The following ANKRD45 variants were observed in gnomAD, a reference collection of about 807,000 sequenced individuals.
ANKRD45 encodes the protein ankyrin repeat domain 45, also known as ankyrin repeat domain-containing protein 45.
In ANKRD45, 21 loss-of-function variants were observed where a neutral mutation model predicts 28.1. The ratio of observed to expected loss-of-function variants is 0.75; its 90% CI spans 0.53 to 1.08. The LOEUF (loss-of-function observed/expected upper bound fraction) is 1.08. ANKRD45 is among the 50% of genes least tolerant of loss of function. The pLI, the probability that ANKRD45 is intolerant of heterozygous loss-of-function variation, is 0.00. For synonymous variants in ANKRD45, 86 were observed against 103.9 expected, an observed-to-expected ratio of 0.83 and a Z score of 1.05; for missense variants, 261 against 308.7, an observed-to-expected ratio of 0.85 and a Z score of 1.16.
At position 173,610,132 on chromosome 1, in the gene ANKRD45, A is replaced by T. The variant is rs1667077858; in HGVS notation, c.*13T>A. On this transcript the variant is annotated 3_prime_UTR_variant, in exon 6 of 6. Coordinates refer to ENST00000333279, the MANE Select transcript of ANKRD45 (RefSeq NM_198493.3). ...ATACTAAAAGAAAATGTGGCCTTTTACAGAACGTATGTTCAGTTGGAGGTA... is the reference window on the plus strand; with the variant it reads ...ATACTAAAAGAAAATGTGGCCTTTTTCAGAACGTATGTTCAGTTGGAGGTA... 6.2e-7 allele frequency: 1 copy of T among 1,612,112 alleles called. No homozygotes were observed. The highest frequency in any genetic ancestry group is 1.3e-5 in the African/African-American group (1 of 74,868).
At chr1:173,653,811 G>T (rs185051375) in intron 2 of ANKRD45, among the ~76,000 whole-genome samples, 1 of 151,770 alleles carries the variant, frequency 6.6e-6, no homozygotes, top group Admixed American at 6.6e-5. Flanking sequence ...ATTTATGATA[G>T]TTAGCTCTTC....
chr1:173,689,744 T>TA, the ANKRD45 span, among the ~76,000 whole-genome samples: 1 of 152,150 alleles, frequency 6.6e-6, no homozygotes, highest in Non-Finnish European at 1.5e-5. Flanking sequence ...TTATCTCCCT[T>TA]ACATTCTGCA....
chr1:173,645,699 CCTA>C (rs1668886583), intron 3 of ANKRD45, among the ~76,000 whole-genome samples: 1 of 152,122 alleles, frequency 6.6e-6, no homozygotes, highest in Non-Finnish European at 1.5e-5. Flanking sequence ...GAAACTATGA[CCTA>C]CTACTCAATA....
chr1:173,702,408 T>A, the ANKRD45 span, among the ~76,000 whole-genome samples: 1 of 152,082 alleles, frequency 6.6e-6, no homozygotes, highest in Non-Finnish European at 1.5e-5. Context: ...AGGGGGTAGC[T>A]AAAACCTTCA....
chr1:173,648,553 A>ATAAGCAG (rs1453375860), intron 2 of ANKRD45, among the ~76,000 whole-genome samples: 1 of 152,186 alleles, frequency 6.6e-6, no homozygotes, highest in Admixed American at 6.5e-5. Flanking sequence ...GTATTTTCCT[A>ATAAGCAG]TAAGCAGTGA....
chr1:173,708,105 T>C, the ANKRD45 span, among the ~76,000 whole-genome samples: 1 of 152,376 alleles, frequency 6.6e-6, no homozygotes, highest in East Asian at 1.9e-4. Context: ...TTTCTATTTT[T>C]AGAGTAAGAG....
chr1:173,671,419 A>G (rs1218523861), upstream of ANKRD45, among the ~76,000 whole-genome samples: 2 of 152,154 alleles, frequency 1.3e-5, no homozygotes, highest in Non-Finnish European at 2.9e-5. Context: ...TTCAATTGGT[A>G]AGAGAAGAAT....
chr1:173,612,586 C>T (rs1340598840), intron 5 of ANKRD45: 1 of 152,474 alleles, frequency 6.6e-6, no homozygotes, highest in Admixed American at 6.5e-5. Context: ...TCTCCCTCTC[C>T]CTCTCCCCAC....
chr1:173,642,049 A>G (rs1558132264), intron 3 of ANKRD45, among the ~76,000 whole-genome samples: 2 of 152,194 alleles, frequency 1.3e-5, no homozygotes, highest in Admixed American at 6.5e-5. Flanking sequence ...TTGAAACTCA[A>G]TGTTGTACCT....
chr1:173,627,844 C>T (rs1668006907), intron 3 of ANKRD45, among the ~76,000 whole-genome samples: 2 of 151,792 alleles, frequency 1.3e-5, no homozygotes, highest in Admixed American at 6.6e-5. Context: ...GGCAACACAG[C>T]TTACAGCTCT....
At chr1:173,668,119 C>T (rs1212221663) in intron 1 of ANKRD45, among the ~76,000 whole-genome samples, 3 of 152,178 alleles carry the variant, frequency 2.0e-5, no homozygotes, top group Admixed American at 6.5e-5. Flanking sequence ...AAAGACATAA[C>T]TCACATAAAG....
the ANKRD45 span, among the ~76,000 whole-genome samples, chr1:173,707,033 G>A: frequency 6.6e-6 from 1 of 152,066 alleles, no homozygotes; most frequent in Admixed American, 6.5e-5. Flanking sequence ...CTTATTATGA[G>A]CAAGATTGCT....
Position 173,663,054 on chromosome 1 carries a change from A to AACACACACACAC in ANKRD45, c.-15-3633_-15-3622dup, listed in dbSNP as rs60072209. On this transcript the variant is annotated intron_variant, in intron 1 of 5. Coordinates refer to ENST00000333279, the MANE Select transcript of ANKRD45 (RefSeq NM_198493.3). ...CTGACATCCAACTCCCCACCCTTCC[A>AACACACACACAC]ACACACACACACACACACACACACA... 7.3e-3 allele frequency among the ~76,000 whole-genome samples: 1,024 copies of AACACACACACAC among 140,316 alleles called. 12 individuals are homozygous for AACACACACACAC. Among genetic ancestry groups the AACACACACACAC allele is most frequent in the African/African-American group, 0.025 (959 of 38,066 alleles). The allele number at this position is 140,316 out of a possible 152,430, so 92.1% of individuals were successfully genotyped here.
chr1:173,654,946 T>C (rs1045426425), intron 2 of ANKRD45, among the ~76,000 whole-genome samples: 5 of 152,218 alleles, frequency 3.3e-5, no homozygotes, highest in African/African-American at 7.2e-5. Context: ...TTCAGCTCCA[T>C]CAGGTCATTT....
Position 173,614,782 on chromosome 1 carries a change from C to CT in ANKRD45, c.731-4568dup, listed in dbSNP as rs372224583. ...TTGAGGTGTAGTGTCCTGTTTTTGGCTTTTTTTTCTTTTTGTTGGGATTTT... is the reference window on the plus strand; with the variant it reads ...TTGAGGTGTAGTGTCCTGTTTTTGGCTTTTTTTTTCTTTTTGTTGGGATTTT... On this transcript the variant is annotated intron_variant, in intron 5 of 5. Transcript: ENST00000333279. 2.3e-3 allele frequency among the ~76,000 whole-genome samples: 355 copies of CT among 151,752 alleles called. 3 individuals are homozygous for CT. The highest frequency in any genetic ancestry group is 8.2e-3 in the African/African-American group (340 of 41,346).
chr1:173,714,790 G>C, the ANKRD45 span, among the ~76,000 whole-genome samples: 1 of 152,194 alleles, frequency 6.6e-6, no homozygotes, highest in Non-Finnish European at 1.5e-5. Flanking sequence ...GGGATACAAG[G>C]AACCCCCACG....
chr1:173,637,757 A>G (rs1012070952), intron 3 of ANKRD45, among the ~76,000 whole-genome samples: 2 of 152,314 alleles, frequency 1.3e-5, no homozygotes, highest in Non-Finnish European at 1.5e-5. Context: ...CAGAAAGTAA[A>G]CTAGCCTTGC....
At chr1:173,616,773 GCT>G (rs1667485182) in intron 5 of ANKRD45, among the ~76,000 whole-genome samples, 1 of 152,136 alleles carries the variant, frequency 6.6e-6, no homozygotes, top group South Asian at 2.1e-4. Flanking sequence ...GCAGTCCACA[GCT>G]CTCATGGAAA....
chr1:173,686,501 C>T, the ANKRD45 span, among the ~76,000 whole-genome samples: 1 of 152,104 alleles, frequency 6.6e-6, no homozygotes, highest in South Asian at 2.1e-4. Context: ...TTTGAGTTTT[C>T]CTTCTTTCCA....
Sources: allele counts gnomAD v4.1 joint callset (sites outside exome capture counted in the v4.1 genomes callset), GRCh38; gene constraint gnomAD v4.1.1; transcripts MANE v1.5; gene names NCBI Gene and HGNC (gene_info 2026-07-23, HGNC 2026-07-21).